Variants in IL1RAPL1 observed in about 807,000 individuals in gnomAD.
IL1RAPL1 encodes the protein interleukin-1 receptor accessory protein-like 1.
IL1RAPL1 carries 3 observed loss-of-function variants against 48.4 expected under a neutral mutation model. That is an observed-to-expected ratio of 0.06 (90% CI 0.03 to 0.16). IL1RAPL1 has a LOEUF of 0.16. Ranked by LOEUF, IL1RAPL1 falls within the 10% of genes least tolerant of loss-of-function variation. IL1RAPL1 has a pLI of 1.00. For missense variants in IL1RAPL1, 349 were observed against 530.6 expected (o/e 0.66, Z 3.36); for synonymous variants, 185 against 187.7 (o/e 0.99, Z 0.12).
intron 2 of IL1RAPL1, among the ~76,000 whole-genome samples, chrX:28,958,772 C>T (rs766390235): frequency 1.1e-4 from 12 of 111,414 alleles, no homozygotes; most frequent in Non-Finnish European, 2.1e-4. Flanking sequence ...GTAGTTTCTC[C>T]ACTTCCGTAG....
intron 3 of IL1RAPL1, among the ~76,000 whole-genome samples, chrX:29,379,694 T>C (rs1227373479): frequency 8.9e-6 from 1 of 111,824 alleles, no homozygotes; most frequent in East Asian, 2.8e-4. Context: ...TTATACACGG[T>C]TCCCAGATTC....
chrX:28,832,670 AC>A (rs1169358238), intron 2 of IL1RAPL1, among the ~76,000 whole-genome samples: 2 of 109,872 alleles, frequency 1.8e-5, no homozygotes, highest in Admixed American at 1.9e-4. Flanking sequence ...AAAAGAAATA[AC>A]CTATTTTTCT....
chrX:29,177,608 A>T (rs1185160257), intron 2 of IL1RAPL1, among the ~76,000 whole-genome samples: 2 of 112,202 alleles, frequency 1.8e-5, no homozygotes, highest in African/African-American at 6.5e-5. Flanking sequence ...ATTTTCTATT[A>T]TTATACTTTA....
chrX:29,441,467 T>C (rs1245383412), intron 5 of IL1RAPL1, among the ~76,000 whole-genome samples: 1 of 112,188 alleles, frequency 8.9e-6, no homozygotes, highest in Non-Finnish European at 1.9e-5. Context: ...TACTGGGATG[T>C]GGAAATGTTT....
intron 6 of IL1RAPL1, among the ~76,000 whole-genome samples, chrX:29,907,786 C>G (rs1932668754): frequency 1.8e-5 from 2 of 111,721 alleles, no homozygotes; most frequent in Admixed American, 9.6e-5. Context: ...AGTTCTACAT[C>G]TTATTGGACT....
intron 2 of IL1RAPL1, among the ~76,000 whole-genome samples, chrX:29,060,833 A>G (rs1316743370): frequency 1.8e-5 from 2 of 112,303 alleles, no homozygotes; most frequent in African/African-American, 3.2e-5. Context: ...ACATTTTAAT[A>G]TTAAATGTTA....
At chrX:29,101,764 C>T (rs1028569543) in intron 2 of IL1RAPL1, among the ~76,000 whole-genome samples, 16 of 110,436 alleles carry the variant, frequency 1.4e-4, no homozygotes, top group Admixed American at 2.9e-4. Context: ...GGTGAAACTC[C>T]GTCTCTGCTA....
chrX:28,772,539 A>C (rs1224052503), intron 1 of IL1RAPL1, among the ~76,000 whole-genome samples: 1 of 111,744 alleles, frequency 8.9e-6, no homozygotes, highest in Non-Finnish European at 1.9e-5. Flanking sequence ...TTTAGACCCC[A>C]TCATGCTGTA....
intron 2 of IL1RAPL1, among the ~76,000 whole-genome samples, chrX:28,918,531 A>G (rs1923542098): frequency 8.9e-6 from 1 of 112,239 alleles, no homozygotes; most frequent in African/African-American, 3.2e-5. Flanking sequence ...TCTCTATTGG[A>G]GCAGCTCTTT....
At chrX:29,222,746 C>A (rs771403290) in intron 2 of IL1RAPL1, among the ~76,000 whole-genome samples, 6 of 110,912 alleles carry the variant, frequency 5.4e-5, no homozygotes, top group African/African-American at 1.6e-4. Context: ...AGGATTTTGC[C>A]CTGAATGAGA....
chrX:29,281,664 T>G (rs1204983902), intron 2 of IL1RAPL1, among the ~76,000 whole-genome samples: 3 of 111,993 alleles, frequency 2.7e-5, no homozygotes, highest in African/African-American at 6.5e-5. Flanking sequence ...TGTAAAACAT[T>G]TATTCTCAGT....
intron 2 of IL1RAPL1, among the ~76,000 whole-genome samples, chrX:29,265,455 C>CT (rs1198492185): frequency 6.5e-5 from 7 of 107,677 alleles, no homozygotes; most frequent in Admixed American, 9.9e-5. Context: ...ATCATGGAAT[C>CT]TTTTTTTTTA....
chrX:29,156,970 T>C, intron 2 of IL1RAPL1, among the ~76,000 whole-genome samples: 1 of 112,006 alleles, frequency 8.9e-6, no homozygotes. Flanking sequence ...TGTTCTATTT[T>C]TAAGGATGGG....
intron 6 of IL1RAPL1, among the ~76,000 whole-genome samples, chrX:29,830,767 A>C: frequency 9.0e-6 from 1 of 111,340 alleles, no homozygotes; most frequent in Non-Finnish European, 1.9e-5. Flanking sequence ...AGACTCTTTA[A>C]AAAAGATAGC....
intron 6 of IL1RAPL1, among the ~76,000 whole-genome samples, chrX:29,703,313 A>T (rs1265519821): frequency 9.0e-6 from 1 of 110,672 alleles, no homozygotes; most frequent in African/African-American, 3.3e-5. Context: ...CATGGAATAT[A>T]TATTTTATTT....
chrX:28,734,361 T>G (rs1008741664), intron 1 of IL1RAPL1, among the ~76,000 whole-genome samples: 1 of 111,287 alleles, frequency 9.0e-6, no homozygotes, highest in African/African-American at 3.3e-5. Flanking sequence ...TTTCTTCTTA[T>G]GTCATCTACT....
rs182109597 is a variant in IL1RAPL1 at position 29,251,515 on chromosome X, A to G, written c.83-31423A>G. Among the ~76,000 whole-genome samples the G allele has an allele frequency of 2.8e-3, 309 of 111,685 alleles. 3 individuals are homozygous for G. Among genetic ancestry groups the G allele is most frequent in the African/African-American group, 9.7e-3 (298 of 30,797 alleles). On this transcript the variant is annotated intron_variant, in intron 2 of 10. Coordinates refer to ENST00000378993, the MANE Select transcript of IL1RAPL1 (RefSeq NM_014271.4). ...CAAATACATGTATGTATTCACATCC[A>G]TATACATCTGTCTACATAGATATAG...
chrX:29,695,597 C>A (rs186562133), intron 6 of IL1RAPL1, among the ~76,000 whole-genome samples: 5 of 94,872 alleles, frequency 5.3e-5, no homozygotes, highest in South Asian at 5.6e-4. Flanking sequence ...TGCAAGGTGG[C>A]GAGAGAGAGA....
intron 9 of IL1RAPL1, among the ~76,000 whole-genome samples, chrX:29,953,612 TG>T (rs1371090825): frequency 8.9e-6 from 1 of 111,949 alleles, no homozygotes; most frequent in Non-Finnish European, 1.9e-5. Flanking sequence ...CAATATTTTA[TG>T]TGTAAGATGA....
Sources: allele counts gnomAD v4.1 joint callset (sites outside exome capture counted in the v4.1 genomes callset), GRCh38; gene constraint gnomAD v4.1.1; transcripts MANE v1.5; gene names NCBI Gene and HGNC (gene_info 2026-07-23, HGNC 2026-07-21).